SMARCA2: variants seen among roughly 807,000 people sequenced by gnomAD.
The protein encoded by SMARCA2 is SWI/SNF related BAF chromatin remodeling complex subunit ATPase 2, also known as SWI/SNF-related matrix-associated actin-dependent regulator of chromatin subfamily A member 2.
SMARCA2 carries 61 observed loss-of-function variants against 199.8 expected under a neutral mutation model. The ratio of observed to expected loss-of-function variants is 0.31; its 90% CI spans 0.25 to 0.38. The LOEUF is 0.38. Ranked by LOEUF, SMARCA2 falls within the 10% of genes least tolerant of loss-of-function variation. SMARCA2 has a pLI of 1.00. For missense variants in SMARCA2, 1,344 were observed against 2,012.2 expected, an observed-to-expected ratio of 0.67 and a Z score of 6.35; for synonymous variants, 935 against 732.0, an observed-to-expected ratio of 1.28 and a Z score of -4.48.
intron 1 of SMARCA2, among the ~76,000 whole-genome samples, chr9:2,023,852 G>C (rs1226668211): frequency 6.6e-6 from 1 of 152,132 alleles, no homozygotes; most frequent in African/African-American, 2.4e-5. Context: ...AGCCCTTCAG[G>C]TCAGGGGAGA....
intron 31 of SMARCA2, among the ~76,000 whole-genome samples, chr9:2,183,714 A>T (rs902142415): frequency 6.6e-6 from 1 of 152,218 alleles, no homozygotes; most frequent in Non-Finnish European, 1.5e-5. Context: ...ATCTTGACCA[A>T]AACAGGAGGT....
At chr9:2,034,511 C>T (rs769395234) in intron 3 of SMARCA2, among the ~76,000 whole-genome samples, 1 of 152,124 alleles carries the variant, frequency 6.6e-6, no homozygotes, top group Non-Finnish European at 1.5e-5. Context: ...CAACATATGA[C>T]GGACATGAGT....
intron 27 of SMARCA2, among the ~76,000 whole-genome samples, chr9:2,137,540 T>C (rs1414987554): frequency 6.6e-6 from 1 of 152,086 alleles, no homozygotes; most frequent in African/African-American, 2.4e-5. Flanking sequence ...GTCCCAATGA[T>C]CTCCTTCCAG....
At chr9:2,127,650 TG>T (rs1196806928) in intron 27 of SMARCA2, among the ~76,000 whole-genome samples, 6 of 152,144 alleles carry the variant, frequency 3.9e-5, no homozygotes, top group Non-Finnish European at 8.8e-5. Context: ...GGCTAGAACT[TG>T]GTTATGTGGC....
At chr9:2,059,128 T>C (rs1239470532) in intron 8 of SMARCA2, among the ~76,000 whole-genome samples, 2 of 152,198 alleles carry the variant, frequency 1.3e-5, no homozygotes, top group Admixed American at 1.3e-4. Flanking sequence ...CCATTTATTT[T>C]TGGAATTGGA....
chr9:2,184,353 CTTTT>C (rs1199876121), intron 31 of SMARCA2, among the ~76,000 whole-genome samples: 5 of 129,408 alleles, frequency 3.9e-5, no homozygotes, highest in South Asian at 2.5e-4. Flanking sequence ...AGGATAATAT[CTTTT>C]TTTTTTTTTT....
intron 27 of SMARCA2, chr9:2,160,832 G>A: frequency 2.5e-6 from 1 of 398,898 alleles, no homozygotes; most frequent in Non-Finnish European, 4.4e-6. Context: ...TTCTTCCTTG[G>A]CAGTATTTTT....
intron 27 of SMARCA2, chr9:2,160,750 C>G (rs1239100291): frequency 4.7e-6 from 2 of 422,546 alleles, no homozygotes; most frequent in African/African-American, 2.0e-5. Flanking sequence ...AGAGCAATCT[C>G]AAAACGTAAT....
At position 2,161,698 on chromosome 9, in the gene SMARCA2, G is replaced by A; in HGVS notation, c.3994G>A (p.Gly1332Ser). Residue 1332 changes from glycine to serine, a missense_variant, in exon 28 of 34, where the codon GGC becomes AGC. Coordinates refer to ENST00000349721, the MANE Select transcript of SMARCA2 (RefSeq NM_003070.5). The surrounding 1 kb of genome is among the most constrained non-coding windows in gnomAD (Gnocchi z 4.7). ...EKQWLRAIED[G>S]NLEEMEEEVR... ...TTCCAACGAACAGGCCATCGAAGACGGCAATTTGGAGGAAATGGAAGAGGA... is the reference window on the plus strand; with the variant it reads ...TTCCAACGAACAGGCCATCGAAGACAGCAATTTGGAGGAAATGGAAGAGGA... The A allele has an allele frequency of 6.2e-7, 1 of 1,613,484 alleles. No homozygotes were observed. The highest frequency in any genetic ancestry group is 8.5e-7 in the Non-Finnish European group (1 of 1,179,636).
intron 10 of SMARCA2, among the ~76,000 whole-genome samples, chr9:2,070,795 A>G (rs1821056437): frequency 1.3e-5 from 2 of 152,258 alleles, no homozygotes; most frequent in African/African-American, 4.8e-5. Context: ...ATATTGCCCA[A>G]TAAATGATAC....
chr9:2,051,066 GA>G (rs1415630510), intron 5 of SMARCA2, among the ~76,000 whole-genome samples: 1 of 152,178 alleles, frequency 6.6e-6, no homozygotes, highest in African/African-American at 2.4e-5. Context: ...ACTACCTGCT[GA>G]ATCTCACTGA....
At chr9:2,150,526 AGGAT>A (rs1365590650) in intron 27 of SMARCA2, among the ~76,000 whole-genome samples, 5 of 151,748 alleles carry the variant, frequency 3.3e-5, no homozygotes, top group African/African-American at 1.2e-4. Context: ...CTTAGATTAT[AGGAT>A]GGCAGGAAAG....
At chr9:2,141,680 C>T (rs1318104714) in intron 27 of SMARCA2, among the ~76,000 whole-genome samples, 1 of 152,010 alleles carries the variant, frequency 6.6e-6, no homozygotes, top group Non-Finnish European at 1.5e-5. Context: ...TATTTTTATT[C>T]ACTATGTAGT....
intron 29 of SMARCA2, among the ~76,000 whole-genome samples, chr9:2,174,924 C>CAAAAAAAAAAAAAAAAAAA (rs61327057): frequency 1.6e-5 from 1 of 62,320 alleles, no homozygotes; most frequent in African/African-American, 7.2e-5. Context: ...GACCCTCTCT[C>CAAAAAAAAAAAAAAAAAAA]AAAAAAAAAA....
At chr9:2,059,776 C>A (rs1005661530) in intron 8 of SMARCA2, among the ~76,000 whole-genome samples, 5 of 152,124 alleles carry the variant, frequency 3.3e-5, no homozygotes, top group African/African-American at 1.2e-4. Context: ...GTCACTCAGG[C>A]AGATGCTAGA....
chr9:2,184,920 C>G (rs763448274), intron 31 of SMARCA2, among the ~76,000 whole-genome samples: 105 of 152,192 alleles, frequency 6.9e-4, no homozygotes, highest in Non-Finnish European at 1.2e-3. Flanking sequence ...TCATTTGGTG[C>G]AAACTGCAAT....
chr9:2,142,607 T>C (rs1364670162), intron 27 of SMARCA2, among the ~76,000 whole-genome samples: 8 of 152,206 alleles, frequency 5.3e-5, no homozygotes, highest in Non-Finnish European at 8.8e-5. Flanking sequence ...TTTAATAGCC[T>C]GTAGAGTTGA....
chr9:2,022,441 T>C (rs1413371253), intron 1 of SMARCA2, among the ~76,000 whole-genome samples: 1 of 152,230 alleles, frequency 6.6e-6, no homozygotes, highest in Non-Finnish European at 1.5e-5. Flanking sequence ...TTAAAAGGCA[T>C]AGTAACATCA....
chr9:2,142,340 G>C (rs1182163168), intron 27 of SMARCA2, among the ~76,000 whole-genome samples: 1 of 152,182 alleles, frequency 6.6e-6, no homozygotes, highest in Non-Finnish European at 1.5e-5. Context: ...AGCAGAAATA[G>C]AACAAAAAGC....
Sources: gnomAD v4.1 joint callset for allele counts (sites outside exome capture counted in the v4.1 genomes callset) on GRCh38, gnomAD v4.1.1 for gene constraint, Gnocchi (gnomAD v3.1) non-coding constraint, MANE v1.5 for transcripts, NCBI Gene and HGNC (gene_info 2026-07-23, HGNC 2026-07-21) for gene names.